Variants in MED7 observed in about 807,000 individuals in gnomAD.
The protein encoded by MED7 is mediator complex subunit 7.
MED7 carries 7 observed loss-of-function variants against 16.6 expected under a neutral mutation model. That is an observed-to-expected ratio of 0.42 (90% CI 0.24 to 0.79). MED7 has a LOEUF of 0.79. Ranked by LOEUF, MED7 falls within the 30% of genes least tolerant of loss-of-function variation. MED7 has a pLI of 0.27. For synonymous variants in MED7, 88 were observed against 90.5 expected (o/e 0.97, Z 0.16); for missense variants, 240 against 286.3 (o/e 0.84, Z 1.17).
At position 157,137,697 on chromosome 5, in the gene MED7, A is replaced by C. The variant is rs559350063; in HGVS notation, c.*1033T>G. ...AGTGGAGTTACTGAAAGGAAGACTT[A>C]GTCCTCACGGTCATTCAAAGAACCA... On this transcript the variant is annotated 3_prime_UTR_variant, in exon 2 of 2. Transcript: ENST00000286317. 9 of 152,390 alleles carry C rather than the reference A, an allele frequency of 5.9e-5. No homozygotes were observed. The highest frequency in any genetic ancestry group is 1.7e-4 in the African/African-American group (7 of 41,584). The allele number at this position is 152,390 out of a possible 1,614,324, so 9.4% of individuals were successfully genotyped here. A position where few individuals can be genotyped will look rare whatever the true frequency, so the allele number is the denominator to read the frequency against.
rs2113711302 is a variant in MED7, at chr5:157,139,111, C to T, written c.321G>A (p.Glu107=). 2 of 1,613,996 alleles carry T rather than the reference C, an allele frequency of 1.2e-6. No individual in the cohort carries two copies. Among genetic ancestry groups the T allele is most frequent in the East Asian group, 2.2e-5 (1 of 44,892 alleles). Residue 107 remains glutamate (E), a synonymous_variant, in exon 2 of 2, where the codon GAG becomes GAA. Transcript: ENST00000286317. ...AAAGCAGCTTAAGATCTTCTAGTTT[C>T]TCTTCTCGTTTTATACTCCCAGGGC... is the stretch of plus-strand genomic sequence containing the variant. The part of the protein sequence containing the change: ...IRSPGSIKRE[E]KLEDLKLLFV...
At chr5:157,140,629 G>A (rs544749286) in intron 1 of MED7, among the ~76,000 whole-genome samples, 66 of 151,966 alleles carry the variant, frequency 4.3e-4, no homozygotes, top group Middle Eastern at 6.8e-3. Context: ...ATGCAGCCTC[G>A]CCCTCCTAGG....
At position 157,139,294 on chromosome 5, in the gene MED7, G is replaced by A. The variant is rs1757689166; in HGVS notation, c.138C>T (p.Gly46=). 1 of 1,613,974 alleles carries A rather than the reference G, an allele frequency of 6.2e-7. No individual in the cohort carries two copies. ...TAAGATCATCACATTGGAACTGATTGCCAAACATCATGTAACTGTCTTTTA... is the reference window on the plus strand; with the variant it reads ...TAAGATCATCACATTGGAACTGATTACCAAACATCATGTAACTGTCTTTTA... ...PPIKDSYMMF[G]NQFQCDDLII... The change falls in exon 2 of 2, where the codon GGC becomes GGT. Residue 46 remains glycine, a synonymous_variant. Transcript: ENST00000286317.
chr5:157,139,956 A>G (rs1483488632), intron 1 of MED7, among the ~76,000 whole-genome samples: 2 of 152,230 alleles, frequency 1.3e-5, no homozygotes, highest in Non-Finnish European at 2.9e-5. Flanking sequence ...ATGATGATTC[A>G]GTTCCATACC....
chr5:157,140,434 A>G (rs985369632), intron 1 of MED7, among the ~76,000 whole-genome samples: 2 of 152,218 alleles, frequency 1.3e-5, no homozygotes, highest in African/African-American at 4.8e-5. Context: ...TATACCATCC[A>G]ATGAGAAGAT....
chr5:157,140,848 A>G (rs1373463545), intron 1 of MED7, among the ~76,000 whole-genome samples: 1 of 152,126 alleles, frequency 6.6e-6, no homozygotes, highest in Non-Finnish European at 1.5e-5. Context: ...AGACATTTTA[A>G]AACTTTTAAC....
rs1757688985 is a variant in MED7, at chr5:157,139,289, T to C, written c.143A>G (p.Gln48Arg). 6.2e-7 allele frequency: 1 copy of C among 1,614,220 alleles called. No homozygotes were observed. Among genetic ancestry groups the C allele is most frequent in the Non-Finnish European group, 8.5e-7 (1 of 1,180,040 alleles). ...GATGATAAGATCATCACATTGGAAC[T>C]GATTGCCAAACATCATGTAACTGTC... Reference protein sequence around the residue: ...IKDSYMMFGNQFQCDDLIIRP... With the variant: ...IKDSYMMFGNRFQCDDLIIRP... The change falls in exon 2 of 2, where the codon CAG becomes CGG. Residue 48 changes from glutamine to arginine, a missense_variant. Transcript: ENST00000286317.
chr5:157,140,933 G>T (rs749694618), intron 1 of MED7, among the ~76,000 whole-genome samples: 3 of 152,328 alleles, frequency 2.0e-5, no homozygotes, highest in African/African-American at 2.4e-5. Context: ...TTCTCCAAAT[G>T]TTAACATTTT....
chr5:157,139,148 A>C lies in MED7; in HGVS notation c.284T>G (p.Ile95Ser), dbSNP rs1278735594. Residue 95 changes from isoleucine to serine, a missense_variant, in exon 2 of 2, where the codon ATT becomes AGT. Transcript: ENST00000286317. Reference protein sequence around the residue: ...ILINFLDLLDILIRSPGSIKR... With the variant: ...ILINFLDLLDSLIRSPGSIKR... ...TATACTCCCAGGGCTCCTTATTAAA[A>C]TATCTAAAAGGTCCAAGAAATTAAT... is the stretch of plus-strand genomic sequence containing the variant. The C allele has an allele frequency of 6.2e-7, 1 of 1,613,384 alleles. No homozygotes were observed. Among genetic ancestry groups the C allele is most frequent in the Non-Finnish European group, 8.5e-7 (1 of 1,179,764 alleles).
Position 157,138,210 on chromosome 5 carries a change from G to A in MED7, c.*520C>T, listed in dbSNP as rs149105133. On this transcript the variant is annotated 3_prime_UTR_variant, in exon 2 of 2. Transcript: ENST00000286317. ...AGGATAGGGAGAAAAGACTGAGCTA[G>A]TGGGTTTACAGAAGCAGTCATGAGG... is the stretch of plus-strand genomic sequence containing the variant. 6.6e-6 allele frequency: 1 copy of A among 152,576 alleles called. No homozygotes were observed. The highest frequency in any genetic ancestry group is 6.5e-5 in the Admixed American group (1 of 15,298). 9.5% of individuals were successfully genotyped at this position (152,576 alleles called of 1,614,324 possible). A position where few individuals can be genotyped will look rare whatever the true frequency, so the allele number is the denominator to read the frequency against.
chr5:157,142,608 C>G (rs554361991), intron 1 of MED7: 1 of 152,352 alleles, frequency 6.6e-6, no homozygotes, highest in Admixed American at 6.5e-5. Flanking sequence ...ACGCTTAGAG[C>G]CCCCTCCTCC....
chr5:157,139,106 A>G lies in MED7; in HGVS notation c.326T>C (p.Leu109Pro). The change falls in exon 2 of 2, where the codon CTA (leucine) becomes CCA (proline). Residue 109 changes from leucine to proline, a missense_variant. Coordinates refer to ENST00000286317, the MANE Select transcript of MED7 (RefSeq NM_004270.5). ...TACAAAAAGCAGCTTAAGATCTTCTAGTTTCTCTTCTCGTTTTATACTCCC... is the reference window on the plus strand; with the variant it reads ...TACAAAAAGCAGCTTAAGATCTTCTGGTTTCTCTTCTCGTTTTATACTCCC... ...SPGSIKREEKLEDLKLLFVHV... is the reference protein window; with the variant it reads ...SPGSIKREEKPEDLKLLFVHV... 1 of 1,614,002 alleles carries G rather than the reference A, an allele frequency of 6.2e-7. No individual in the cohort carries two copies. The highest frequency in any genetic ancestry group is 8.5e-7 in the Non-Finnish European group (1 of 1,179,954).
In MED7 at chr5:157,139,333, C is replaced by T. The variant is rs376955443; in HGVS notation, c.99G>A (p.Lys33=). 2 of 1,613,932 alleles carry T rather than the reference C, an allele frequency of 1.2e-6. No individual in the cohort carries two copies. The highest frequency in any genetic ancestry group is 4.5e-5 in the East Asian group (2 of 44,874). Reference sequence around the variant, plus strand: ...AACTGTCTTTTATTGGAGGGGGAGGCTTGGGAGCTAAGCCTTCTTGAATAT... The same window carrying T: ...AACTGTCTTTTATTGGAGGGGGAGGTTTGGGAGCTAAGCCTTCTTGAATAT... The part of the protein sequence containing the change: ...DENIQEGLAP[K]PPPPIKDSYM... The change falls in exon 2 of 2, where the codon AAG becomes AAA. Residue 33 remains lysine (K), a synonymous_variant. Coordinates refer to ENST00000286317, the MANE Select transcript of MED7 (RefSeq NM_004270.5).
chr5:157,139,840 GATTT>G (rs1288077462), intron 1 of MED7, among the ~76,000 whole-genome samples: 8 of 151,878 alleles, frequency 5.3e-5, no homozygotes, highest in African/African-American at 1.2e-4. Flanking sequence ...TTATGTTATA[GATTT>G]ATTTCCAATA....
At position 157,139,179 on chromosome 5, in the gene MED7, T is replaced by C; in HGVS notation, c.253A>G (p.Ile85Val). ...AAAAGGTCCAAGAAATTAATAAGGA[T>C]AGACATATTAAGTTTTCTCAGTTCT... is the stretch of plus-strand genomic sequence containing the variant. ...KKELRKLNMS[I>V]LINFLDLLDI... is the part of the protein sequence containing the mutation. Residue 85 changes from isoleucine (I) to valine (V), a missense_variant, in exon 2 of 2, where the codon ATC becomes GTC. Ile to Val is a conservative substitution (Grantham distance 29, BLOSUM62 3). Coordinates refer to ENST00000286317, the MANE Select transcript of MED7 (RefSeq NM_004270.5). The C allele has an allele frequency of 1.2e-6, 2 of 1,612,804 alleles. No homozygotes were observed. Among genetic ancestry groups the C allele is most frequent in the Non-Finnish European group, 1.7e-6 (2 of 1,179,636 alleles).
chr5:157,139,298 A>G lies in MED7; in HGVS notation c.134T>C (p.Phe45Ser), dbSNP rs1444426420. 3 of 1,614,144 alleles carry G rather than the reference A, an allele frequency of 1.9e-6. No homozygotes were observed. In the South Asian group the frequency reaches 3.3e-5, roughly 18 times the overall value. Residue 45 changes from phenylalanine to serine, a missense_variant, in exon 2 of 2, where the codon TTT (phenylalanine) becomes TCT (serine). Physicochemically the swap from Phe to Ser is radical, Grantham distance 155. Transcript: ENST00000286317. ...ATCATCACATTGGAACTGATTGCCA[A>G]ACATCATGTAACTGTCTTTTATTGG... ...PPPIKDSYMM[F>S]GNQFQCDDLI...
At chr5:157,142,426 G>C (rs531885688) in intron 1 of MED7, 3 of 152,370 alleles carry the variant, frequency 2.0e-5, no homozygotes, top group African/African-American at 7.2e-5. Context: ...ACTGCTCCCA[G>C]AAGAAGGAAG....
chr5:157,142,771 GA>G, intron 1 of MED7, 48 bp downstream of exon 1: 1 of 152,538 alleles, frequency 6.6e-6, no homozygotes, highest in Non-Finnish European at 1.5e-5. Context: ...GGGTCCGGAA[GA>G]AAAAAACGCA....
chr5:157,141,525 T>C (rs1318165938), intron 1 of MED7, among the ~76,000 whole-genome samples: 4 of 152,222 alleles, frequency 2.6e-5, no homozygotes, highest in African/African-American at 9.6e-5. Flanking sequence ...GGTACCATTT[T>C]TTATGGCCTC....
Sources: allele counts gnomAD v4.1 joint callset (sites outside exome capture counted in the v4.1 genomes callset), GRCh38; gene constraint gnomAD v4.1.1; transcripts MANE v1.5; gene names NCBI Gene and HGNC (gene_info 2026-07-23, HGNC 2026-07-21).